BTG2: variants seen among roughly 807,000 people sequenced by gnomAD.
BTG2 encodes the protein protein BTG2.
BTG2 carries 9 observed loss-of-function variants against 13.1 expected under a neutral mutation model. The ratio of observed to expected loss-of-function variants is 0.69; its 90% confidence interval spans 0.41 to 1.20. The LOEUF is 1.20. BTG2 is among the 50% of genes most tolerant of loss of function. The pLI, the probability that BTG2 is intolerant of heterozygous loss-of-function variation, is 0.00. For synonymous variants in BTG2, 92 were observed against 88.6 expected (o/e 1.04, Z -0.21); for missense variants, 200 against 209.5 (o/e 0.95, Z 0.28).
At chr1:203,306,257 A>T (rs543888956) in intron 1 of BTG2, among the ~76,000 whole-genome samples, 1 of 152,188 alleles carries the variant, frequency 6.6e-6, no homozygotes, top group African/African-American at 2.4e-5. Context: ...TCAAGTTGGA[A>T]TTTGGGCCCC....
chr1:203,305,800 C>T (rs190037595), intron 1 of BTG2, 52 bp downstream of exon 1: 4 of 1,517,950 alleles, frequency 2.6e-6, no homozygotes, highest in African/African-American at 1.4e-5. Context: ...CCCATCCCTG[C>T]CAGGGCCGTC....
At position 203,307,311 on chromosome 1, in the gene BTG2, G is replaced by A; in HGVS notation, c.350G>A (p.Gly117Asp). 1.2e-6 allele frequency: 2 copies of A among 1,614,094 alleles called. No individual in the cohort carries two copies. The highest frequency in any genetic ancestry group is 1.7e-6 in the Non-Finnish European group (2 of 1,179,998). The stretch of plus-strand genomic sequence containing the variant: ...GTGTCCTACCGCATTGGGGAGGACG[G>A]CTCCATCTGCGTCTTGTACGAGGAG... ...YEVSYRIGED[G>D]SICVLYEEAP... The change falls in exon 2 of 2, where the codon GGC becomes GAC. Residue 117 changes from glycine to aspartate, a missense_variant. Transcript: ENST00000290551.
At chr1:203,306,552 C>G in intron 1 of BTG2, among the ~76,000 whole-genome samples, 1 of 152,196 alleles carries the variant, frequency 6.6e-6, no homozygotes, top group African/African-American at 2.4e-5. Flanking sequence ...TTAGGCACTG[C>G]TAAGGAAGGT....
In BTG2 at chr1:203,307,211, C is replaced by G; in HGVS notation, c.250C>G (p.Gln84Glu). Residue 84 changes from glutamine (Q) to glutamate (E), a missense_variant, in exon 2 of 2, where the codon CAG becomes GAG. Physicochemically the swap from Gln to Glu is conservative, Grantham distance 29. Transcript: ENST00000290551. ...MDPIISRVAS[Q>E]IGLSQPQLHQ... The stretch of plus-strand genomic sequence containing the variant: ...CCCCATCATCAGCAGGGTGGCCAGC[C>G]AGATCGGACTCAGCCAGCCCCAGCT... The G allele has an allele frequency of 6.2e-7, 1 of 1,614,250 alleles. No homozygotes were observed. The highest frequency in any genetic ancestry group is 1.1e-5 in the South Asian group (1 of 91,086).
At position 203,305,714 on chromosome 1, in the gene BTG2, G is replaced by C; in HGVS notation, c.108G>C (p.Lys36Asn). The C allele has an allele frequency of 1.9e-6, 3 of 1,552,278 alleles. No individual in the cohort carries two copies. Among genetic ancestry groups the C allele is most frequent in the Admixed American group, 3.9e-5 (2 of 51,098 alleles). ...TRGCVSEQRLKVFSGALQEAL... is the reference protein window; with the variant it reads ...TRGCVSEQRLNVFSGALQEAL... ...GCTGCGTGAGCGAGCAGAGGCTTAA[G>C]GTCTTCAGCGGGGCGCTCCAGGAGG... The change falls in exon 1 of 2, where the codon AAG (lysine) becomes AAC (asparagine). Residue 36 changes from lysine to asparagine, a missense_variant. Physicochemically the swap from Lys to Asn is moderately conservative, Grantham distance 94. Transcript: ENST00000290551.
chr1:203,306,516 A>G (rs1658278132), intron 1 of BTG2, among the ~76,000 whole-genome samples: 1 of 152,234 alleles, frequency 6.6e-6, no homozygotes, highest in African/African-American at 2.4e-5. Context: ...CAGATGTTTC[A>G]TCAAAACAAC....
chr1:203,308,116 AG>A lies in BTG2; in HGVS notation c.*686del, dbSNP rs5780160. On this transcript the variant is annotated 3_prime_UTR_variant, in exon 2 of 2. Transcript: ENST00000290551. ...GGAATCTAAAGCTTTGGGTTTTCTG[AG>A]GGGGGGGAGGAGGGAACTGGAGGTT... 0.97 allele frequency: 147,911 copies of A among 152,344 alleles called. 71,902 individuals carry two copies. The highest frequency in any genetic ancestry group is 1 in the East Asian group (5,141 of 5,142). 9.4% of individuals were successfully genotyped at this position (152,344 alleles called of 1,614,324 possible).
In BTG2 at chr1:203,307,574, A is replaced by G; in HGVS notation, c.*136A>G. 1.4e-6 allele frequency: 1 copy of G among 699,290 alleles called. No homozygotes were observed. The highest frequency in any genetic ancestry group is 2.0e-6 in the Non-Finnish European group (1 of 491,792). 43.3% of individuals were successfully genotyped at this position (699,290 alleles called of 1,614,324 possible). The stretch of plus-strand genomic sequence containing the variant: ...TATTATTTTTTTTTAAGAAAGGAGG[A>G]AAAGAAACCAAAAGTTTTTTTTAAG... On this transcript the variant is annotated 3_prime_UTR_variant, in exon 2 of 2. Coordinates refer to ENST00000290551, the MANE Select transcript of BTG2 (RefSeq NM_006763.3).
chr1:203,306,355 G>C (rs112526408), intron 1 of BTG2, among the ~76,000 whole-genome samples: 1 of 152,230 alleles, frequency 6.6e-6, no homozygotes, highest in Non-Finnish European at 1.5e-5. Context: ...TGCCGTGCGG[G>C]CCTTCAAGTT....
At chr1:203,306,073 C>G (rs1039783084) in intron 1 of BTG2, among the ~76,000 whole-genome samples, 7 of 152,166 alleles carry the variant, frequency 4.6e-5, no homozygotes, top group Non-Finnish European at 7.4e-5. Flanking sequence ...GCTGGACCCT[C>G]GAGATCTTAA....
In BTG2 at chr1:203,307,286, G is replaced by A; in HGVS notation, c.325G>A (p.Val109Met). The A allele has an allele frequency of 1.2e-6, 2 of 1,614,202 alleles. No homozygotes were observed. Among genetic ancestry groups the A allele is most frequent in the Non-Finnish European group, 1.7e-6 (2 of 1,180,036 alleles). Residue 109 changes from valine (V) to methionine (M), a missense_variant, in exon 2 of 2, where the codon GTG (valine) becomes ATG (methionine). Transcript: ENST00000290551. ...ELTLWVDPYE[V>M]SYRIGEDGSI... ...GACCCTGTGGGTGGACCCCTATGAG[G>A]TGTCCTACCGCATTGGGGAGGACGG... is the stretch of plus-strand genomic sequence containing the variant.
chr1:203,307,329 A>T lies in BTG2; in HGVS notation c.368A>T (p.Tyr123Phe). The T allele has an allele frequency of 6.2e-7, 1 of 1,614,012 alleles. No homozygotes were observed. Among genetic ancestry groups the T allele is most frequent in the Non-Finnish European group, 8.5e-7 (1 of 1,179,920 alleles). The change falls in exon 2 of 2, where the codon TAC (tyrosine) becomes TTC (phenylalanine). Residue 123 changes from tyrosine (Y) to phenylalanine (F), a missense_variant. Tyr to Phe is a conservative substitution (Grantham distance 22, BLOSUM62 3). Coordinates refer to ENST00000290551, the MANE Select transcript of BTG2 (RefSeq NM_006763.3). ...GAGGACGGCTCCATCTGCGTCTTGT[A>T]CGAGGAGGCCCCACTGGCCGCCTCC... Reference protein sequence around the residue: ...IGEDGSICVLYEEAPLAASCG... With the variant: ...IGEDGSICVLFEEAPLAASCG...
At position 203,305,797 on chromosome 1, in the gene BTG2, C is replaced by G. The variant is rs1251623967; in HGVS notation, c.142+49C>G. ...GCGCCACCGGGGGTCGGCCCCATCC[C>G]TGCCAGGGCCGTCTTTCTTCTACTC... is the stretch of plus-strand genomic sequence containing the variant. On this transcript the variant is annotated intron_variant, in intron 1 of 1. Coordinates refer to ENST00000290551, the MANE Select transcript of BTG2 (RefSeq NM_006763.3). 2.0e-6 allele frequency: 3 copies of G among 1,519,364 alleles called. No individual in the cohort carries two copies. In the South Asian group the frequency reaches 3.7e-5, roughly 19 times the overall value. 94.1% of individuals were successfully genotyped at this position (1,519,364 alleles called of 1,614,324 possible).
chr1:203,306,304 A>G (rs1390709967), intron 1 of BTG2, among the ~76,000 whole-genome samples: 1 of 151,840 alleles, frequency 6.6e-6, no homozygotes. Context: ...GCCATCTGCC[A>G]CCTATTGTGG....
chr1:203,306,795 A>AAC (rs1173196769), intron 1 of BTG2, among the ~76,000 whole-genome samples: 2 of 107,190 alleles, frequency 1.9e-5, no homozygotes, highest in East Asian at 6.7e-4. Flanking sequence ...ATCCCCTCCC[A>AAC]ACACGCACAC....
Position 203,305,572 on chromosome 1 carries a change from C to A in BTG2, c.-35C>A, listed in dbSNP as rs374383359. The A allele has an allele frequency of 6.3e-7, 1 of 1,591,636 alleles. No individual in the cohort carries two copies. The highest frequency in any genetic ancestry group is 1.3e-5 in the African/African-American group (1 of 74,214). ...TGTCTTGTGGACCCGCACTTCCCAC[C>A]CGAGACCTCTCACTGAGCCCGAGCC... On this transcript the variant is annotated 5_prime_UTR_variant, in exon 1 of 2. Coordinates refer to ENST00000290551, the MANE Select transcript of BTG2 (RefSeq NM_006763.3).
rs770448408 is a variant in BTG2 at position 203,307,456 on chromosome 1, C to G, written c.*18C>G. 1.2e-5 allele frequency: 18 copies of G among 1,554,084 alleles called. No homozygotes were observed. The Admixed American group carries it at 2.9e-4, about 25-fold the overall frequency. ...CCAGCTAGGCCCTTCCGCCCCCGCC[C>G]TGGGCGCCGCCGTGCTCATGCTGCC... is the stretch of plus-strand genomic sequence containing the variant. On this transcript the variant is annotated 3_prime_UTR_variant, in exon 2 of 2. Coordinates refer to ENST00000290551, the MANE Select transcript of BTG2 (RefSeq NM_006763.3).
In BTG2 at chr1:203,308,306, A is replaced by G. The variant is rs1330830373; in HGVS notation, c.*868A>G. On this transcript the variant is annotated 3_prime_UTR_variant, in exon 2 of 2. Coordinates refer to ENST00000290551, the MANE Select transcript of BTG2 (RefSeq NM_006763.3). ...TTTGGCCAAAACTCTTCCTTTTGGA[A>G]CCACATGAAAGTCTTGATGCTGCTG... is the stretch of plus-strand genomic sequence containing the variant. The G allele has an allele frequency of 6.6e-6, 1 of 152,614 alleles. No homozygotes were observed. The highest frequency in any genetic ancestry group is 2.4e-5 in the African/African-American group (1 of 41,440). 9.5% of individuals were successfully genotyped at this position (152,614 alleles called of 1,614,324 possible).
Position 203,305,634 on chromosome 1 carries a change from C to A in BTG2, c.28C>A (p.Leu10Ile). 1 of 1,596,494 alleles carries A rather than the reference C, an allele frequency of 6.3e-7. No individual in the cohort carries two copies. The highest frequency in any genetic ancestry group is 8.5e-7 in the Non-Finnish European group (1 of 1,171,928). Reference protein sequence around the residue: MSHGKGTDMLPEIAAAVGFL... With the variant: MSHGKGTDMIPEIAAAVGFL... Reference sequence around the variant, plus strand: ...GAGCCACGGGAAGGGAACCGACATGCTCCCGGAGATCGCCGCCGCCGTGGG... The same window carrying A: ...GAGCCACGGGAAGGGAACCGACATGATCCCGGAGATCGCCGCCGCCGTGGG... The change falls in exon 1 of 2, where the codon CTC becomes ATC. Residue 10 changes from leucine to isoleucine, a missense_variant. Physicochemically the swap from Leu to Ile is conservative, Grantham distance 5 (BLOSUM62 2). Coordinates refer to ENST00000290551, the MANE Select transcript of BTG2 (RefSeq NM_006763.3).
Sources: allele counts gnomAD v4.1 joint callset (sites outside exome capture counted in the v4.1 genomes callset), GRCh38; gene constraint gnomAD v4.1.1; transcripts MANE v1.5; gene names NCBI Gene and HGNC (gene_info 2026-07-23, HGNC 2026-07-21).